Variants in ZNF423 observed in about 807,000 individuals in gnomAD.
ZNF423 encodes the protein Ebf-associated zinc finger protein.
Under a neutral mutation model 95.8 loss-of-function variants are expected in ZNF423, and 12 were observed. The observed-to-expected ratio is 0.13, with a 90% CI of 0.08 to 0.20. The LOEUF is 0.20. ZNF423 is among the 10% of genes least tolerant of loss of function. The probability of loss-of-function intolerance (pLI) is 1.00; values close to 1 mark genes in which losing one functional copy is unlikely to be tolerated. For synonymous variants in ZNF423, 749 were observed against 711.9 expected, an observed-to-expected ratio of 1.05 and a Z score of -0.83; for missense variants, 1,316 against 1,737.1, an observed-to-expected ratio of 0.76 and a Z score of 4.31.
At chr16:49,645,206 G>GC (rs908941638) in intron 3 of ZNF423, among the ~76,000 whole-genome samples, 3 of 152,154 alleles carry the variant, frequency 2.0e-5, no homozygotes, top group African/African-American at 4.8e-5. Context: ...CTTCTCTGCT[G>GC]CCCCCATACA....
At chr16:49,715,314 G>A (rs138343291) in intron 3 of ZNF423, among the ~76,000 whole-genome samples, 37 of 152,300 alleles carry the variant, frequency 2.4e-4, no homozygotes, top group Middle Eastern at 3.4e-3. Context: ...GGAGGGCCGC[G>A]CTGAGGAGGT....
chr16:49,732,563 T>G (rs1054410802), intron 2 of ZNF423, among the ~76,000 whole-genome samples: 3 of 152,352 alleles, frequency 2.0e-5, no homozygotes, highest in East Asian at 3.9e-4. Flanking sequence ...TGCGTGTATG[T>G]GCACCTGTAT....
intron 5 of ZNF423, among the ~76,000 whole-genome samples, chr16:49,578,736 T>TCCTC (rs35833476): frequency 6.6e-6 from 1 of 152,098 alleles, no homozygotes; most frequent in Non-Finnish European, 1.5e-5. Flanking sequence ...CCTGCCCACT[T>TCCTC]CCTCCCACAC....
chr16:49,512,114 T>A (rs947798547), intron 7 of ZNF423, among the ~76,000 whole-genome samples: 4 of 152,232 alleles, frequency 2.6e-5, no homozygotes, highest in African/African-American at 9.6e-5. Flanking sequence ...TTGTCCTTAT[T>A]AGCTTACTTT....
chr16:49,553,536 G>A (rs1969715629), intron 5 of ZNF423, among the ~76,000 whole-genome samples: 1 of 152,036 alleles, frequency 6.6e-6, no homozygotes, highest in African/African-American at 2.4e-5. Context: ...TTGTAAAGGT[G>A]AGGTCTTGCT....
chr16:49,668,543 T>C (rs1410859499), intron 3 of ZNF423, among the ~76,000 whole-genome samples: 1 of 152,220 alleles, frequency 6.6e-6, no homozygotes, highest in Non-Finnish European at 1.5e-5. Flanking sequence ...TGGTCCTGTT[T>C]AGGGATCCTG....
intron 1 of ZNF423, among the ~76,000 whole-genome samples, chr16:49,848,794 C>T (rs1228432844): frequency 2.0e-5 from 3 of 152,124 alleles, no homozygotes; most frequent in Non-Finnish European, 4.4e-5. Flanking sequence ...GTGTCTCGGA[C>T]GGAGTTTCCT....
At chr16:49,776,568 C>T (rs937466029) in intron 2 of ZNF423, among the ~76,000 whole-genome samples, 1 of 152,226 alleles carries the variant, frequency 6.6e-6, no homozygotes, top group Non-Finnish European at 1.5e-5. Context: ...CCCCCAGCCC[C>T]GACCCTGGGG....
At chr16:49,789,448 G>A (rs773496091) in intron 2 of ZNF423, 39 bp downstream of exon 2, 1 of 1,594,224 alleles carries the variant, frequency 6.3e-7, no homozygotes, top group East Asian at 2.3e-5. Flanking sequence ...CAGCCCCCAG[G>A]ACCCCCTGCA....
At chr16:49,698,389 A>C (rs1264990569) in intron 3 of ZNF423, among the ~76,000 whole-genome samples, 3 of 152,148 alleles carry the variant, frequency 2.0e-5, no homozygotes, top group Non-Finnish European at 4.4e-5. Flanking sequence ...CCAAGAAAAC[A>C]CAAGGCTGTG....
At chr16:49,788,987 T>C (rs1241564010) in intron 2 of ZNF423, among the ~76,000 whole-genome samples, 2 of 152,216 alleles carry the variant, frequency 1.3e-5, no homozygotes, top group Non-Finnish European at 2.9e-5. Flanking sequence ...GGATCCTGAC[T>C]GTCACGTCAC....
chr16:49,686,001 C>T (rs566639853), intron 3 of ZNF423, among the ~76,000 whole-genome samples: 60 of 152,338 alleles, frequency 3.9e-4, no homozygotes, highest in Non-Finnish European at 7.3e-4. Flanking sequence ...GTTTCGCCCT[C>T]GTTTCCAGTG....
intron 2 of ZNF423, among the ~76,000 whole-genome samples, chr16:49,761,559 C>T (rs757735209): frequency 1.3e-5 from 2 of 152,172 alleles, no homozygotes; most frequent in Non-Finnish European, 2.9e-5. Context: ...ACCTCACCTG[C>T]AAAACAGGAG....
chr16:49,768,416 T>G (rs1326863384), intron 2 of ZNF423, among the ~76,000 whole-genome samples: 2 of 152,314 alleles, frequency 1.3e-5, no homozygotes, highest in South Asian at 4.2e-4. Flanking sequence ...TCCACACGTC[T>G]CCTGCAACCT....
chr16:49,687,752 C>A (rs1159315030), intron 3 of ZNF423, among the ~76,000 whole-genome samples: 2 of 152,222 alleles, frequency 1.3e-5, no homozygotes, highest in Non-Finnish European at 2.9e-5. Flanking sequence ...TGCTGCGGCT[C>A]CTGTTTCCAC....
chr16:49,802,549 G>A (rs66617967), intron 1 of ZNF423, among the ~76,000 whole-genome samples: 10,712 of 152,242 alleles, frequency 0.07, 414 homozygotes, highest in South Asian at 0.12. Flanking sequence ...AAATGTGCAC[G>A]ATCAGCGCAC....
chr16:49,698,925 C>G (rs997772679), intron 3 of ZNF423, among the ~76,000 whole-genome samples: 2 of 152,246 alleles, frequency 1.3e-5, no homozygotes, highest in Non-Finnish European at 2.9e-5. Context: ...ACCAGAGACC[C>G]GCGGAGCTCC....
chr16:49,815,896 ATATATATATATATATATATT>A (rs1567356305), intron 1 of ZNF423, among the ~76,000 whole-genome samples: 2,856 of 54,278 alleles, frequency 0.053, 26 homozygotes, highest in South Asian at 0.098. Context: ...ATATATATAT[ATATATATATATATATATATT>A]TTTTTTTTTT....
chr16:49,503,676 G>C (rs2151666046), intron 7 of ZNF423, among the ~76,000 whole-genome samples: 1 of 152,324 alleles, frequency 6.6e-6, no homozygotes, highest in East Asian at 1.9e-4. Context: ...AACTTGCAGT[G>C]ACCTGGTTGT....
Sources: allele counts gnomAD v4.1 joint callset (sites outside exome capture counted in the v4.1 genomes callset), GRCh38; gene constraint gnomAD v4.1.1; transcripts MANE v1.5; gene names NCBI Gene and HGNC (gene_info 2026-07-23, HGNC 2026-07-21).